Variants in EPB42 observed in about 807,000 individuals in gnomAD.
The protein encoded by EPB42 is protein 4.2.
Under a neutral mutation model 76.9 loss-of-function variants are expected in EPB42, and 49 were observed. The observed-to-expected ratio is 0.64, with a 90% CI of 0.51 to 0.81. The LOEUF (loss-of-function observed/expected upper bound fraction) is 0.81. Ranked by LOEUF, EPB42 falls within the 30% of genes least tolerant of loss-of-function variation. The probability of loss-of-function intolerance (pLI) is 0.00; values close to 1 mark genes in which losing one functional copy is unlikely to be tolerated. For missense variants in EPB42, 731 were observed against 867.6 expected, an observed-to-expected ratio of 0.84 and a Z score of 1.98; for synonymous variants, 310 against 338.4, an observed-to-expected ratio of 0.92 and a Z score of 0.92.
intron 3 of EPB42, among the ~76,000 whole-genome samples, chr15:43,212,928 A>T (rs2042322536): frequency 6.6e-6 from 1 of 152,150 alleles, no homozygotes; most frequent in Non-Finnish European, 1.5e-5. Flanking sequence ...AGGAGCTGCT[A>T]GGCTAACCTC....
Position 43,203,263 on chromosome 15 carries a change from G to A in EPB42, c.1631C>T (p.Thr544Ile), listed in dbSNP as rs552637754. 6.2e-7 allele frequency: 1 copy of A among 1,614,162 alleles called. No homozygotes were observed. Among genetic ancestry groups the A allele is most frequent in the Non-Finnish European group, 8.5e-7 (1 of 1,180,034 alleles). ...AAAATTGGAGAAGAACAGGCCGATG[G>A]TTATTATCTTTTCTGAAACACATGA... is the stretch of plus-strand genomic sequence containing the variant. ...TLSANLEKII[T>I]IGLFFSNFER... Residue 544 changes from threonine to isoleucine, a missense_variant, in exon 11 of 13, where the codon ACC becomes ATC. Coordinates refer to ENST00000441366, the MANE Select transcript of EPB42 (RefSeq NM_001114134.2).
chr15:43,204,542 A>G (rs1280042495), intron 10 of EPB42, among the ~76,000 whole-genome samples: 1 of 152,042 alleles, frequency 6.6e-6, no homozygotes, highest in African/African-American at 2.4e-5. Flanking sequence ...TTCAGACACA[A>G]TGTGCCACAA....
rs2042153940 is a variant in EPB42, at chr15:43,203,261, T to C, written c.1633A>G (p.Ile545Val). ...LSANLEKIITIGLFFSNFERN... is the reference protein window; with the variant it reads ...LSANLEKIITVGLFFSNFERN... ...TCAAAATTGGAGAAGAACAGGCCGATGGTTATTATCTTTTCTGAAACACAT... is the reference window on the plus strand; with the variant it reads ...TCAAAATTGGAGAAGAACAGGCCGACGGTTATTATCTTTTCTGAAACACAT... Residue 545 changes from isoleucine to valine, a missense_variant, in exon 11 of 13, where the codon ATC becomes GTC. Transcript: ENST00000441366. The C allele has an allele frequency of 1.9e-6, 3 of 1,614,026 alleles. No homozygotes were observed. The highest frequency in any genetic ancestry group is 2.5e-6 in the Non-Finnish European group (3 of 1,180,038).
At chr15:43,210,102 T>C (rs1030407934) in intron 5 of EPB42, among the ~76,000 whole-genome samples, 3 of 152,230 alleles carry the variant, frequency 2.0e-5, no homozygotes, top group Non-Finnish European at 4.4e-5. Flanking sequence ...CTTAGTCTTC[T>C]GCGGGCTTGC....
intron 5 of EPB42, 130 bp downstream of exon 5, chr15:43,210,205 G>C (rs2042271795): frequency 2.4e-6 from 2 of 826,936 alleles, no homozygotes; most frequent in East Asian, 4.9e-5. Context: ...TGTAGGAACT[G>C]TCCCCACACC....
intron 3 of EPB42, among the ~76,000 whole-genome samples, chr15:43,213,791 C>T (rs1364841930): frequency 1.3e-5 from 2 of 152,250 alleles, no homozygotes; most frequent in African/African-American, 4.8e-5. Flanking sequence ...TCTGCTGATC[C>T]ACCTGCCTGC....
intron 12 of EPB42, among the ~76,000 whole-genome samples, chr15:43,198,563 C>A (rs1004268691): frequency 6.6e-6 from 1 of 151,960 alleles, no homozygotes; most frequent in Non-Finnish European, 1.5e-5. Flanking sequence ...GGAAGCAGAG[C>A]GTAAAAGTTT....
intron 1 of EPB42, among the ~76,000 whole-genome samples, chr15:43,218,531 C>A (rs1403450203): frequency 6.6e-6 from 1 of 152,210 alleles, no homozygotes; most frequent in Non-Finnish European, 1.5e-5. Context: ...TACCCATCAC[C>A]TGCTTAGTCC....
At chr15:43,217,784 G>A (rs1176753784) in intron 1 of EPB42, among the ~76,000 whole-genome samples, 1 of 152,162 alleles carries the variant, frequency 6.6e-6, no homozygotes, top group Non-Finnish European at 1.5e-5. Flanking sequence ...CTACAAGACG[G>A]ATCTTGTCAA....
At chr15:43,225,417 T>C (rs2042499191), upstream of EPB42, among the ~76,000 whole-genome samples, 1 of 152,142 alleles carries the variant, frequency 6.6e-6, no homozygotes, top group Non-Finnish European at 1.5e-5. Flanking sequence ...TGTGGGCTGG[T>C]CTCCCTTTGG....
chr15:43,223,914 A>C (rs1038035867), upstream of EPB42, among the ~76,000 whole-genome samples: 1 of 152,234 alleles, frequency 6.6e-6, no homozygotes, highest in Non-Finnish European at 1.5e-5. Context: ...TGGAGGTTGC[A>C]GTTAGCCAAG....
At chr15:43,200,875 C>T (rs1021662022) in intron 12 of EPB42, among the ~76,000 whole-genome samples, 6 of 150,156 alleles carry the variant, frequency 4.0e-5, no homozygotes, top group African/African-American at 1.2e-4. Flanking sequence ...ACTGCAGTGG[C>T]GTGATCTCGG....
chr15:43,202,088 C>G (rs2042135144), intron 11 of EPB42, 111 bp from the exon 12 acceptor site: 1 of 1,444,770 alleles, frequency 6.9e-7, no homozygotes. Flanking sequence ...CTCTGCCAAG[C>G]TGACTCAAAC....
In EPB42 at chr15:43,210,450, T is replaced by C. The variant is rs2042277143; in HGVS notation, c.550-11A>G. The C allele has an allele frequency of 1.9e-6, 3 of 1,612,490 alleles. No individual in the cohort carries two copies. The highest frequency in any genetic ancestry group is 1.1e-5 in the South Asian group (1 of 91,054). Reference sequence around the variant, plus strand: ...GACATCCCCCTCGAACTGTTAAGGATCACACAGGGCCATGATGAAGGGTCC... The same window carrying C: ...GACATCCCCCTCGAACTGTTAAGGACCACACAGGGCCATGATGAAGGGTCC... On this transcript the variant is annotated splice_polypyrimidine_tract_variant and intron_variant, in intron 4 of 12. Transcript: ENST00000441366.
chr15:43,213,374 C>T (rs1023360541), intron 3 of EPB42, among the ~76,000 whole-genome samples: 2 of 152,142 alleles, frequency 1.3e-5, no homozygotes, highest in Non-Finnish European at 2.9e-5. Context: ...CACTGAGATG[C>T]CAGGGAATCT....
At chr15:43,202,022 T>C (rs2042134161) in intron 11 of EPB42, 45 bp from the exon 12 acceptor site, 1 of 1,612,818 alleles carries the variant, frequency 6.2e-7, no homozygotes, top group Non-Finnish European at 8.5e-7. Context: ...AGGGCACAGC[T>C]GCAGTCACTC....
In EPB42 at chr15:43,208,189, G is replaced by A. The variant is rs747921956; in HGVS notation, c.1075+41C>T. ...AGTCCTCTCTGGGGACTTCAGCTCT[G>A]TGCAGCCCTGCGTGGTCCTGGACCC... On this transcript the variant is annotated intron_variant, in intron 8 of 12. Coordinates refer to ENST00000441366, the MANE Select transcript of EPB42 (RefSeq NM_001114134.2). The A allele has an allele frequency of 5.1e-6, 8 of 1,577,770 alleles. No individual in the cohort carries two copies. In the South Asian group the frequency reaches 6.7e-5, roughly 13 times the overall value.
rs144428415 is a variant in EPB42 at position 43,220,756 on chromosome 15, G to A, written c.10+60C>T. 1,751 of 1,610,882 alleles carry A rather than the reference G, an allele frequency of 1.1e-3. 1 individual carries two copies. Among genetic ancestry groups the A allele is most frequent in the Middle Eastern group, 1.5e-3 (9 of 6,052 alleles). Reference sequence around the variant, plus strand: ...ATCCCACTTCCTTTAATGAAAACAGGTGATGCTGCGGGGGCTGCATACAGT... The same window carrying A: ...ATCCCACTTCCTTTAATGAAAACAGATGATGCTGCGGGGGCTGCATACAGT... On this transcript the variant is annotated intron_variant, in intron 1 of 12. Coordinates refer to ENST00000441366, the MANE Select transcript of EPB42 (RefSeq NM_001114134.2).
intron 4 of EPB42, among the ~76,000 whole-genome samples, chr15:43,211,110 A>T (rs1212953720): frequency 6.6e-6 from 1 of 152,174 alleles, no homozygotes; most frequent in Non-Finnish European, 1.5e-5. Flanking sequence ...TCATGGGGAA[A>T]GGAAAGCAGG....
Sources: allele counts gnomAD v4.1 joint callset (sites outside exome capture counted in the v4.1 genomes callset), GRCh38; gene constraint gnomAD v4.1.1; transcripts MANE v1.5; gene names NCBI Gene and HGNC (gene_info 2026-07-23, HGNC 2026-07-21).